CAPS2: variants seen among roughly 807,000 people sequenced by gnomAD.
The protein encoded by CAPS2 is calcyphosin-2.
In CAPS2, 98 loss-of-function variants were observed where a neutral mutation model predicts 86.5. The observed-to-expected ratio is 1.13, with a 90% CI of 0.96 to 1.34. The LOEUF (loss-of-function observed/expected upper bound fraction) is 1.34, where lower values mean the gene tolerates loss of function less well. Among genes scored for constraint, CAPS2 ranks in the 40% most tolerant of loss-of-function variants. The pLI, the probability that CAPS2 is intolerant of heterozygous loss-of-function variation, is 0.00. For missense variants in CAPS2, 729 were observed against 686.8 expected (o/e 1.06, Z -0.69); for synonymous variants, 210 against 225.1 (o/e 0.93, Z 0.60).
chr12:75,353,869 C>A (rs982024736), intron 1 of CAPS2, among the ~76,000 whole-genome samples: 1 of 152,096 alleles, frequency 6.6e-6, no homozygotes, highest in Non-Finnish European at 1.5e-5. Context: ...TTCATTATAT[C>A]ATCAGAACTA....
At chr12:75,377,905 A>G (rs139265558) in intron 1 of CAPS2, among the ~76,000 whole-genome samples, 70 of 151,612 alleles carry the variant, frequency 4.6e-4, no homozygotes, top group African/African-American at 1.6e-3. Flanking sequence ...TCTGTAATAT[A>G]TATAATCATT....
chr12:75,325,473 A>T (rs1478449817), intron 1 of CAPS2, 185 bp from the exon 3 acceptor site: 3 of 182,180 alleles, frequency 1.6e-5, no homozygotes, highest in Non-Finnish European at 3.1e-5. Context: ...GGCAAGTAAG[A>T]CAGATAATCC....
exon 17 of CAPS2, chr12:75,278,807 A>T: frequency 7.4e-7 from 1 of 1,353,248 alleles, no homozygotes; most frequent in East Asian, 2.7e-5. Flanking sequence ...AGGAAAATAT[A>T]TTCCAGTGTT....
chr12:75,313,526 C>T (rs1291646395), intron 6 of CAPS2, among the ~76,000 whole-genome samples: 2 of 152,164 alleles, frequency 1.3e-5, no homozygotes, highest in Non-Finnish European at 2.9e-5. Flanking sequence ...TTTCACTTTT[C>T]CAATTCCTCT....
At chr12:75,371,412 T>C in intron 1 of CAPS2, 1 of 287,976 alleles carries the variant, frequency 3.5e-6, no homozygotes, top group Non-Finnish European at 7.2e-6. Context: ...GAGGTGGGTC[T>C]GCTTTTCCCA....
At chr12:75,309,694 G>A (rs922771296) in intron 7 of CAPS2, among the ~76,000 whole-genome samples, 2 of 152,218 alleles carry the variant, frequency 1.3e-5, no homozygotes, top group African/African-American at 4.8e-5. Context: ...AAAAGCTTTA[G>A]TCATCTCTAC....
At chr12:75,363,013 T>C (rs2043713637) in intron 1 of CAPS2, 2 of 595,090 alleles carry the variant, frequency 3.4e-6, no homozygotes, top group Non-Finnish European at 6.0e-6. Flanking sequence ...TATGACTTAA[T>C]AAATGACTAA....
intron 1 of CAPS2, among the ~76,000 whole-genome samples, chr12:75,372,619 A>G (rs2044433562): frequency 6.6e-6 from 1 of 152,274 alleles, no homozygotes; most frequent in Middle Eastern, 3.4e-3. Flanking sequence ...AATCCTGGCT[A>G]TGAGAGAAAC....
exon 16 of CAPS2, chr12:75,282,332 C>G: frequency 6.2e-7 from 1 of 1,602,056 alleles, no homozygotes; most frequent in Non-Finnish European, 8.6e-7. Flanking sequence ...TTGTTGAAAT[C>G]CAGTTTCATA....
chr12:75,357,030 T>TA (rs987731621), intron 1 of CAPS2, among the ~76,000 whole-genome samples: 90 of 148,118 alleles, frequency 6.1e-4, no homozygotes, highest in African/African-American at 1.7e-3. Flanking sequence ...ATAGAAAAAT[T>TA]AAAAAAAAAA....
intron 8 of CAPS2, among the ~76,000 whole-genome samples, chr12:75,300,439 T>C (rs4882685): frequency 0.29 from 43,056 of 150,782 alleles, 6,456 homozygotes; most frequent in South Asian, 0.42. Context: ...GCCCGTAGTC[T>C]CAGCTACTCA....
rs368549384 is a variant in CAPS2, at chr12:75,367,130, C to T, written c.-395+23708G>A. ...GTAATGGAGAAGACACTTTAGAATACACCTCCAAAGTGGAAACCAAATAGG... is the reference window on the plus strand; with the variant it reads ...GTAATGGAGAAGACACTTTAGAATATACCTCCAAAGTGGAAACCAAATAGG... On this transcript the variant is annotated intron_variant, in intron 1 of 5. Transcript: ENST00000551829. The T allele has an allele frequency of 3.0e-5, 20 of 662,726 alleles. No individual in the cohort carries two copies. The East Asian group carries it at 3.8e-4, about 13-fold the overall frequency. 41.1% of individuals were successfully genotyped at this position (662,726 alleles called of 1,614,324 possible). A position where few individuals can be genotyped will look rare whatever the true frequency, so the allele number is the denominator to read the frequency against.
intron 1 of CAPS2, among the ~76,000 whole-genome samples, chr12:75,358,881 TTA>T (rs891954842): frequency 7.1e-6 from 1 of 140,152 alleles, no homozygotes; most frequent in African/African-American, 2.7e-5. Flanking sequence ...TAATATATAA[TTA>T]TATATATTAC....
chr12:75,316,153 C>CA (rs2039735257), intron 6 of CAPS2, 159 bp downstream of exon 6: 1 of 935,710 alleles, frequency 1.1e-6, no homozygotes, highest in Non-Finnish European at 1.5e-6. Flanking sequence ...AAATACAATT[C>CA]AATCATTTAT....
At chr12:75,306,312 G>C in intron 7 of CAPS2, 1 of 579,354 alleles carries the variant, frequency 1.7e-6, no homozygotes, top group South Asian at 1.9e-5. Context: ...AGCTCTGCGG[G>C]AGGCTAATCC....
chr12:75,293,995 C>T (rs926421441), intron 11 of CAPS2, among the ~76,000 whole-genome samples: 1 of 152,256 alleles, frequency 6.6e-6, no homozygotes, highest in South Asian at 2.1e-4. Context: ...TGCAGTGTCA[C>T]GATCTCTGCT....
At chr12:75,323,830 A>G (rs1369802003) in intron 2 of CAPS2, among the ~76,000 whole-genome samples, 1 of 152,174 alleles carries the variant, frequency 6.6e-6, no homozygotes, top group Non-Finnish European at 1.5e-5. Flanking sequence ...TGCTCTAGAG[A>G]TTATCTATGT....
At chr12:75,368,899 T>C (rs1287787550) in intron 1 of CAPS2, among the ~76,000 whole-genome samples, 1 of 151,948 alleles carries the variant, frequency 6.6e-6, no homozygotes, top group Admixed American at 6.6e-5. Flanking sequence ...TGGAAGACTT[T>C]AGCAAATTTT....
rs1194652797 is a variant in CAPS2, at chr12:75,304,617, T to C, written c.779+140A>G. 3.2e-5 allele frequency: 18 copies of C among 571,390 alleles called. No homozygotes were observed. In the East Asian group the frequency reaches 4.5e-4, roughly 14 times the overall value. 35.4% of individuals were successfully genotyped at this position (571,390 alleles called of 1,614,324 possible). A position where few individuals can be genotyped will look rare whatever the true frequency, so the allele number is the denominator to read the frequency against. On this transcript the variant is annotated intron_variant, in intron 8 of 16. Transcript: ENST00000393284. The stretch of plus-strand genomic sequence containing the variant: ...ATCATGAAGTAGCAGAACTGGGAGC[T>C]GAACTCAAAAAATTCCACTTTTCTT...
Sources: gnomAD v4.1 joint callset for allele counts (sites outside exome capture counted in the v4.1 genomes callset) on GRCh38, gnomAD v4.1.1 for gene constraint, MANE v1.5 for transcripts, NCBI Gene and HGNC (gene_info 2026-07-23, HGNC 2026-07-21) for gene names.